CCDC178: variants seen among roughly 807,000 people sequenced by gnomAD.
CCDC178 encodes the protein coiled-coil domain-containing protein 178.
Under a neutral mutation model 117.4 loss-of-function variants are expected in CCDC178, and 126 were observed. The observed-to-expected ratio is 1.07, with a 90% CI of 0.93 to 1.24. The LOEUF (loss-of-function observed/expected upper bound fraction) is 1.24. Ranked by LOEUF, CCDC178 falls within the 50% of genes most tolerant of loss-of-function variation. CCDC178 has a pLI of 0.00. For missense variants in CCDC178, 1,030 were observed against 986.9 expected, an observed-to-expected ratio of 1.04 and a Z score of -0.59; for synonymous variants, 283 against 313.4, an observed-to-expected ratio of 0.90 and a Z score of 1.02.
intron 10 of CCDC178, among the ~76,000 whole-genome samples, chr18:33,330,645 C>T (rs891591437): frequency 6.6e-6 from 1 of 152,016 alleles, no homozygotes; most frequent in African/African-American, 2.4e-5. Flanking sequence ...GAGAGAGAGA[C>T]TGATTTTAAG....
At chr18:33,137,652 T>A (rs1481262903) in intron 20 of CCDC178, among the ~76,000 whole-genome samples, 1 of 152,212 alleles carries the variant, frequency 6.6e-6, no homozygotes, top group Non-Finnish European at 1.5e-5. Flanking sequence ...TTACTGGACT[T>A]CTTCTCAATG....
intron 15 of CCDC178, among the ~76,000 whole-genome samples, chr18:33,241,192 A>G (rs960931634): frequency 1.3e-5 from 2 of 151,942 alleles, no homozygotes; most frequent in African/African-American, 2.4e-5. Context: ...GAAGGAAAAT[A>G]TCTCAACACA....
chr18:33,322,334 C>G (rs138509903), intron 11 of CCDC178, among the ~76,000 whole-genome samples: 1 of 151,916 alleles, frequency 6.6e-6, no homozygotes, highest in Admixed American at 6.6e-5. Flanking sequence ...TGAATGAACA[C>G]CTGGATAATG....
chr18:33,048,937 T>C (rs1279944425), intron 21 of CCDC178, among the ~76,000 whole-genome samples: 2 of 152,156 alleles, frequency 1.3e-5, no homozygotes, highest in Non-Finnish European at 2.9e-5. Context: ...ACTCCATCCC[T>C]ATCACACCAC....
intron 21 of CCDC178, among the ~76,000 whole-genome samples, chr18:33,028,558 T>C (rs920073238): frequency 6.6e-6 from 1 of 151,790 alleles, no homozygotes; most frequent in Non-Finnish European, 1.5e-5. Context: ...TATAAAGTTA[T>C]GATGTTGTGG....
At chr18:32,988,889 C>T (rs1050480024) in intron 21 of CCDC178, among the ~76,000 whole-genome samples, 8 of 151,836 alleles carry the variant, frequency 5.3e-5, no homozygotes, top group African/African-American at 1.9e-4. Context: ...AGACAAAGTC[C>T]TAATAAACAG....
chr18:33,303,693 C>G (rs1463697436), intron 11 of CCDC178, among the ~76,000 whole-genome samples: 1 of 150,980 alleles, frequency 6.6e-6, no homozygotes, highest in Admixed American at 6.6e-5. Flanking sequence ...AAAAAAAAAA[C>G]TATGAAAAAA....
chr18:33,128,357 C>G (rs533357201), intron 20 of CCDC178, among the ~76,000 whole-genome samples: 8 of 151,980 alleles, frequency 5.3e-5, no homozygotes, highest in Non-Finnish European at 7.4e-5. Context: ...AGTTACAGAC[C>G]CTTTAGAGAA....
chr18:33,015,266 A>AG (rs2055959570), intron 21 of CCDC178, among the ~76,000 whole-genome samples: 1 of 150,626 alleles, frequency 6.6e-6, no homozygotes, highest in African/African-American at 2.4e-5. Context: ...AAAAGAAGAA[A>AG]AAAAAAAAAA....
intron 5 of CCDC178, among the ~76,000 whole-genome samples, chr18:33,386,330 G>A (rs936762868): frequency 6.6e-6 from 1 of 152,128 alleles, no homozygotes. Flanking sequence ...AATTGAAAAG[G>A]AGGGACTCCT....
At chr18:33,037,831 T>C (rs992093772) in intron 21 of CCDC178, among the ~76,000 whole-genome samples, 1 of 151,966 alleles carries the variant, frequency 6.6e-6, no homozygotes, top group Non-Finnish European at 1.5e-5. Context: ...GGTTTACTTA[T>C]TTTTAAAGAT....
chr18:33,253,560 T>TA (rs2059641551), intron 14 of CCDC178, among the ~76,000 whole-genome samples: 1 of 151,836 alleles, frequency 6.6e-6, no homozygotes, highest in South Asian at 2.1e-4. Context: ...TTAAAAAAGA[T>TA]AAAAAATAAA....
chr18:33,132,296 C>T (rs960545420), intron 20 of CCDC178, among the ~76,000 whole-genome samples: 3 of 151,668 alleles, frequency 2.0e-5, no homozygotes, highest in Admixed American at 6.6e-5. Flanking sequence ...GAGTTACAAA[C>T]GACTTTTCAA....
At chr18:33,397,851 C>T (rs1187607927) in intron 3 of CCDC178, among the ~76,000 whole-genome samples, 1 of 151,874 alleles carries the variant, frequency 6.6e-6, no homozygotes, top group Non-Finnish European at 1.5e-5. Flanking sequence ...AAAAGTATAA[C>T]TTATGTAGGA....
intron 20 of CCDC178, among the ~76,000 whole-genome samples, chr18:33,119,698 G>T (rs748026347): frequency 6.6e-6 from 1 of 152,122 alleles, no homozygotes; most frequent in South Asian, 2.1e-4. Context: ...TATACCCAAA[G>T]GATTATCAAT....
chr18:33,071,543 C>G (rs1287750101), intron 21 of CCDC178, among the ~76,000 whole-genome samples: 1 of 151,780 alleles, frequency 6.6e-6, no homozygotes, highest in Non-Finnish European at 1.5e-5. Flanking sequence ...CATGCCAGAC[C>G]CATTAAACAG....
chr18:32,937,909 G>A lies in CCDC178; in HGVS notation c.*102C>T. On this transcript the variant is annotated 3_prime_UTR_variant, in exon 23 of 23. Coordinates refer to ENST00000383096, the MANE Select transcript of CCDC178 (RefSeq NM_001105528.4). ...GTGAGTGAGTTTTTCGTTCATGGAA[G>A]TGTGAAATGGCAAACAGGTGAATGT... is the stretch of plus-strand genomic sequence containing the variant. 2.3e-6 allele frequency: 2 copies of A among 869,686 alleles called. No individual in the cohort carries two copies. The highest frequency in any genetic ancestry group is 3.8e-6 in the Non-Finnish European group (2 of 527,998). 53.9% of individuals were successfully genotyped at this position (869,686 alleles called of 1,614,324 possible).
intron 21 of CCDC178, among the ~76,000 whole-genome samples, chr18:33,030,632 T>C (rs1024418185): frequency 1.1e-4 from 16 of 151,668 alleles, no homozygotes; most frequent in African/African-American, 3.9e-4. Flanking sequence ...AGATAGATGA[T>C]AGATCAATAG....
chr18:33,081,791 T>G (rs2057302263), intron 21 of CCDC178, among the ~76,000 whole-genome samples: 1 of 152,206 alleles, frequency 6.6e-6, no homozygotes. Flanking sequence ...GCATTGTTAC[T>G]TTTCTTTTTC....
Sources: allele counts gnomAD v4.1 joint callset (sites outside exome capture counted in the v4.1 genomes callset), GRCh38; gene constraint gnomAD v4.1.1; transcripts MANE v1.5; gene names NCBI Gene and HGNC (gene_info 2026-07-23, HGNC 2026-07-21).